The following GRID1 variants were observed in gnomAD, a reference collection of about 807,000 sequenced individuals.
The protein encoded by GRID1 is glutamate ionotropic receptor delta type subunit 1, also known as glutamate receptor ionotropic, delta-1.
A neutral mutation model predicts 98.0 loss-of-function variants in GRID1; 28 were observed. That is an observed-to-expected ratio of 0.29 (90% CI 0.21 to 0.39). The LOEUF (loss-of-function observed/expected upper bound fraction) is 0.39, where lower values mean the gene tolerates loss of function less well. Ranked by LOEUF, GRID1 falls within the 10% of genes least tolerant of loss-of-function variation. GRID1 has a pLI of 1.00. For missense variants in GRID1, 1,111 were observed against 1,340.5 expected (o/e 0.83, Z 2.67); for synonymous variants, 553 against 538.5 (o/e 1.03, Z -0.37).
intron 4 of GRID1, among the ~76,000 whole-genome samples, chr10:85,932,021 G>A (rs927323012): frequency 3.3e-5 from 5 of 152,152 alleles, no homozygotes; most frequent in African/African-American, 1.2e-4. Context: ...TTCTACTATC[G>A]AACATGTCAA....
chr10:86,088,892 G>T (rs1166198780), intron 4 of GRID1, among the ~76,000 whole-genome samples: 1 of 150,590 alleles, frequency 6.6e-6, no homozygotes, highest in Non-Finnish European at 1.5e-5. Flanking sequence ...ATCAATAGAT[G>T]CAGGCAAAAA....
At chr10:85,705,773 G>C (rs1014138513) in intron 12 of GRID1, among the ~76,000 whole-genome samples, 2 of 151,868 alleles carry the variant, frequency 1.3e-5, no homozygotes, top group Non-Finnish European at 2.9e-5. Flanking sequence ...GCCACCACTT[G>C]GGCTTCATCC....
chr10:85,817,356 A>T (rs1473968198), intron 8 of GRID1, among the ~76,000 whole-genome samples: 1 of 151,070 alleles, frequency 6.6e-6, no homozygotes, highest in Non-Finnish European at 1.5e-5. Flanking sequence ...AGTGAGACCC[A>T]TCTCTACAAA....
At chr10:86,267,050 G>C (rs1847114634) in intron 2 of GRID1, among the ~76,000 whole-genome samples, 1 of 152,198 alleles carries the variant, frequency 6.6e-6, no homozygotes, top group Non-Finnish European at 1.5e-5. Context: ...GGCCACGTCA[G>C]CATCACGTCA....
chr10:85,809,492 A>G (rs148429252), intron 8 of GRID1, among the ~76,000 whole-genome samples: 18 of 152,314 alleles, frequency 1.2e-4, no homozygotes, highest in African/African-American at 3.8e-4. Context: ...GCAGCTAGAC[A>G]AAAAAGTATG....
chr10:85,637,801 T>G (rs533452167), intron 13 of GRID1, among the ~76,000 whole-genome samples: 1 of 152,360 alleles, frequency 6.6e-6, no homozygotes, highest in African/African-American at 2.4e-5. Context: ...CTTGGATAGC[T>G]TCTTCTAACT....
At chr10:86,092,423 A>C (rs1844162818) in intron 4 of GRID1, among the ~76,000 whole-genome samples, 1 of 152,318 alleles carries the variant, frequency 6.6e-6, no homozygotes, top group South Asian at 2.1e-4. Context: ...CAATCCAACA[A>C]AGACAAAGAT....
intron 12 of GRID1, chr10:85,709,165 C>T: frequency 3.1e-6 from 1 of 323,252 alleles, no homozygotes; most frequent in Non-Finnish European, 6.2e-6. Context: ...GGAAAAGGCC[C>T]ACCGAGGCTG....
intron 2 of GRID1, among the ~76,000 whole-genome samples, chr10:86,316,640 C>T (rs1299106606): frequency 6.6e-6 from 1 of 152,228 alleles, no homozygotes; most frequent in Non-Finnish European, 1.5e-5. Flanking sequence ...CCTGAGACAG[C>T]AAGGGGTACC....
chr10:86,333,040 G>C (rs934701195), intron 2 of GRID1, among the ~76,000 whole-genome samples: 6 of 152,132 alleles, frequency 3.9e-5, no homozygotes, highest in Non-Finnish European at 7.4e-5. Flanking sequence ...TCTGCTATCA[G>C]TATGAGGTCC....
At chr10:85,651,147 A>G (rs7899106) in intron 12 of GRID1, among the ~76,000 whole-genome samples, 10,177 of 152,266 alleles carry the variant, frequency 0.067, 428 homozygotes, top group African/African-American at 0.12. Context: ...TAATCTCTGA[A>G]GCCTTAGATT....
At chr10:85,904,530 G>C (rs1308844051) in intron 5 of GRID1, among the ~76,000 whole-genome samples, 1 of 151,950 alleles carries the variant, frequency 6.6e-6, no homozygotes, top group African/African-American at 2.4e-5. Context: ...ACTTCCAGAG[G>C]GTCCCCCATG....
rs372214405 is a variant in GRID1, at chr10:85,602,450, C to T, written c.2853G>A (p.Leu951=). 1 of 1,614,050 alleles carries T rather than the reference C, an allele frequency of 6.2e-7. No homozygotes were observed. The highest frequency in any genetic ancestry group is 1.3e-5 in the African/African-American group (1 of 74,938). ...TCGCCGAGCTGCTCAGCGGCAGCGG[C>T]AGGTTGCTGCTGGGCCCTGATGAGA... ...RTLSSGPSSN[L]PLPLSSSATM... is the part of the protein sequence containing the mutation. Residue 951 remains leucine, a synonymous_variant, in exon 16 of 16, where the codon CTG becomes CTA. Coordinates refer to ENST00000327946, the MANE Select transcript of GRID1 (RefSeq NM_017551.3).
chr10:85,839,045 A>G (rs1313292943), intron 8 of GRID1, among the ~76,000 whole-genome samples: 1 of 152,244 alleles, frequency 6.6e-6, no homozygotes, highest in African/African-American at 2.4e-5. Context: ...AAAAAGACAA[A>G]GAAGTACATT....
chr10:86,064,335 A>G (rs979304713), intron 4 of GRID1, among the ~76,000 whole-genome samples: 1 of 152,222 alleles, frequency 6.6e-6, no homozygotes, highest in Non-Finnish European at 1.5e-5. Flanking sequence ...TGTTGAGCAC[A>G]ACGTCTGTGA....
chr10:85,641,268 T>C, intron 13 of GRID1, among the ~76,000 whole-genome samples: 1 of 152,236 alleles, frequency 6.6e-6, no homozygotes, highest in East Asian at 1.9e-4. Context: ...TATTATCATA[T>C]AAATTTGAAC....
intron 8 of GRID1, among the ~76,000 whole-genome samples, chr10:85,758,194 A>G (rs940211613): frequency 3.0e-4 from 45 of 152,218 alleles, no homozygotes; most frequent in Admixed American, 2.7e-3. Context: ...AGTGAAATCT[A>G]TAACCATTTT....
rs977361049 is a variant in GRID1 at position 86,209,297 on chromosome 10, A to G, written c.236-2649T>C. Among the ~76,000 whole-genome samples, 4 of 152,398 alleles carry G rather than the reference A, an allele frequency of 2.6e-5. No homozygotes were observed. The East Asian group carries it at 5.8e-4, about 22-fold the overall frequency. ...GATAATGGATAAGCAGGAAAACTAC[A>G]CAGGAGGAAGGACTATTGTGTGAGA... On this transcript the variant is annotated intron_variant, in intron 2 of 15. Coordinates refer to ENST00000327946, the MANE Select transcript of GRID1 (RefSeq NM_017551.3).
intron 2 of GRID1, among the ~76,000 whole-genome samples, chr10:86,337,644 G>A (rs191626265): frequency 1.3e-4 from 20 of 150,836 alleles, no homozygotes; most frequent in Middle Eastern, 3.5e-3. Context: ...AATGTCCAGC[G>A]CAGTTTATTT....
Sources: gnomAD v4.1 joint callset for allele counts (sites outside exome capture counted in the v4.1 genomes callset) on GRCh38, gnomAD v4.1.1 for gene constraint, MANE v1.5 for transcripts, NCBI Gene and HGNC (gene_info 2026-07-23, HGNC 2026-07-21) for gene names.